Variants in STAU1 observed in about 807,000 individuals in gnomAD.
The protein encoded by STAU1 is staufen double-stranded RNA binding protein 1.
A neutral mutation model predicts 62.9 loss-of-function variants in STAU1; 13 were observed. The observed-to-expected ratio is 0.21, with a 90% confidence interval of 0.13 to 0.33. STAU1 has a LOEUF of 0.33. Ranked by LOEUF, STAU1 falls within the 10% of genes least tolerant of loss-of-function variation. The pLI, the probability that STAU1 is intolerant of heterozygous loss-of-function variation, is 1.00. For missense variants in STAU1, 571 were observed against 712.1 expected (o/e 0.80, Z 2.25); for synonymous variants, 269 against 265.1 (o/e 1.01, Z -0.14).
chr20:49,212,076 C>T, the STAU1 span, among the ~76,000 whole-genome samples: 1 of 151,952 alleles, frequency 6.6e-6, no homozygotes, highest in Non-Finnish European at 1.5e-5. Context: ...GCAGCTTCAA[C>T]CTCCCCAGAC....
intron 1 of STAU1, among the ~76,000 whole-genome samples, chr20:49,180,983 A>G (rs1278155035): frequency 1.3e-5 from 2 of 152,182 alleles, no homozygotes; most frequent in Non-Finnish European, 1.5e-5. Context: ...AGTGGAAAGA[A>G]CACTGACTTT....
At chr20:49,213,410 A>T in the STAU1 span, among the ~76,000 whole-genome samples, 2 of 151,906 alleles carry the variant, frequency 1.3e-5, no homozygotes, top group Non-Finnish European at 2.9e-5. Flanking sequence ...TTGTATTTTT[A>T]TTAGAGATGG....
At position 49,184,640 on chromosome 20, in the gene STAU1, C is replaced by T. The variant is rs548969724; in HGVS notation, c.-160+3476G>A. 9.2e-5 allele frequency among the ~76,000 whole-genome samples: 14 copies of T among 152,288 alleles called. No individual in the cohort carries two copies. In the South Asian group the frequency reaches 2.9e-3, roughly 32 times the overall value. On this transcript the variant is annotated intron_variant, in intron 1 of 13. Coordinates refer to ENST00000371856, the MANE Select transcript of STAU1 (RefSeq NM_017453.4). ...GAAACCTAAAAGAGAGCAACTTATT[C>T]TCAAGAAACTATATTTATGGTAACA...
At chr20:49,168,370 C>T (rs1311422159) in intron 2 of STAU1, among the ~76,000 whole-genome samples, 2 of 152,080 alleles carry the variant, frequency 1.3e-5, no homozygotes, top group African/African-American at 2.4e-5. Context: ...TGTGAGGCAC[C>T]GCACTCTGCT....
At chr20:49,171,381 G>C (rs899055789) in intron 2 of STAU1, among the ~76,000 whole-genome samples, 2 of 152,124 alleles carry the variant, frequency 1.3e-5, no homozygotes, top group African/African-American at 4.8e-5. Context: ...TGCAAGTTCC[G>C]CCTGCCAGGT....
chr20:49,181,923 CATA>C (rs2093731227), intron 1 of STAU1, among the ~76,000 whole-genome samples: 1 of 151,916 alleles, frequency 6.6e-6, no homozygotes, highest in Admixed American at 6.6e-5. Flanking sequence ...AAATTTCTAT[CATA>C]ATAAAATGGC....
At chr20:49,170,501 C>T (rs946777676) in intron 2 of STAU1, among the ~76,000 whole-genome samples, 1 of 152,048 alleles carries the variant, frequency 6.6e-6, no homozygotes, top group African/African-American at 2.4e-5. Context: ...CAGGTGTGTA[C>T]CACCACACCT....
At chr20:49,125,094 C>CAA (rs1555836423) in intron 6 of STAU1, among the ~76,000 whole-genome samples, 1 of 81,372 alleles carries the variant, frequency 1.2e-5, no homozygotes, top group Non-Finnish European at 2.7e-5. Context: ...AAAAAAAACC[C>CAA]ACAAAAGAGT....
intron 1 of STAU1, among the ~76,000 whole-genome samples, chr20:49,187,773 A>AGCCCCCCCCCCCCCCCCCCC: frequency 4.9e-5 from 1 of 20,320 alleles, no homozygotes; most frequent in East Asian, 1.2e-3. Context: ...TGAAGCAGGG[A>AGCCCCCCCCCCCCCCCCCCC]CCCCCCCCCC....
chr20:49,161,260 G>A (rs1397361250), intron 3 of STAU1, among the ~76,000 whole-genome samples: 3 of 151,944 alleles, frequency 2.0e-5, no homozygotes, highest in South Asian at 4.2e-4. Flanking sequence ...CTGGGAGGTC[G>A]AGGCTGCAGT....
chr20:49,125,388 G>C (rs1333558632), intron 6 of STAU1, among the ~76,000 whole-genome samples: 2 of 151,254 alleles, frequency 1.3e-5, no homozygotes, highest in African/African-American at 4.9e-5. Flanking sequence ...AAATTAGCTA[G>C]GGGTGGTGGT....
At chr20:49,180,553 A>T (rs893153098) in intron 1 of STAU1, among the ~76,000 whole-genome samples, 3 of 152,168 alleles carry the variant, frequency 2.0e-5, no homozygotes, top group Admixed American at 2.0e-4. Flanking sequence ...CGAACTCCTG[A>T]CCTCAGGTGA....
At chr20:49,146,072 C>A (rs1376064130) in intron 5 of STAU1, among the ~76,000 whole-genome samples, 1 of 152,004 alleles carries the variant, frequency 6.6e-6, no homozygotes, top group Non-Finnish European at 1.5e-5. Flanking sequence ...GAGTTCGACA[C>A]CAGCCTGGGA....
intron 5 of STAU1, among the ~76,000 whole-genome samples, chr20:49,143,783 T>C (rs1228134044): frequency 1.3e-5 from 2 of 152,170 alleles, no homozygotes; most frequent in Non-Finnish European, 2.9e-5. Context: ...TATTAGACAT[T>C]TTAATAAGAA....
At chr20:49,161,306 G>A (rs1225574203) in intron 3 of STAU1, among the ~76,000 whole-genome samples, 1 of 152,082 alleles carries the variant, frequency 6.6e-6, no homozygotes, top group Non-Finnish European at 1.5e-5. Context: ...AGCCTAGGCG[G>A]CAAAGAAAGA....
chr20:49,166,638 T>C (rs1418193153), intron 2 of STAU1, among the ~76,000 whole-genome samples: 2 of 152,176 alleles, frequency 1.3e-5, no homozygotes, highest in African/African-American at 2.4e-5. Flanking sequence ...TCCATAGTAA[T>C]TGGGGCACAG....
intron 3 of STAU1, among the ~76,000 whole-genome samples, chr20:49,164,697 G>T (rs2093499439): frequency 6.6e-6 from 1 of 152,034 alleles, no homozygotes; most frequent in Admixed American, 6.6e-5. Context: ...AGCCCAGGAG[G>T]TTGATGCTGC....
At chr20:49,217,694 T>TATATA in the STAU1 span, among the ~76,000 whole-genome samples, 2 of 143,098 alleles carry the variant, frequency 1.4e-5, no homozygotes, top group African/African-American at 2.5e-5. Context: ...TATATATATA[T>TATATA]TTTTAGGCCA....
At chr20:49,204,592 TTATATA>T in the STAU1 span, among the ~76,000 whole-genome samples, 1,723 of 45,596 alleles carry the variant, frequency 0.038, 130 homozygotes, top group African/African-American at 0.12. Context: ...GGATTTTACA[TTATATA>T]TATATATATA....
Sources: allele counts gnomAD v4.1 joint callset (sites outside exome capture counted in the v4.1 genomes callset), GRCh38; gene constraint gnomAD v4.1.1; transcripts MANE v1.5; gene names NCBI Gene and HGNC (gene_info 2026-07-23, HGNC 2026-07-21).